Variants in SPATA17 observed in about 807,000 individuals in gnomAD.
The protein encoded by SPATA17 is spermatogenesis-associated protein 17.
In SPATA17, 53 loss-of-function variants were observed where a neutral mutation model predicts 62.2. The ratio of observed to expected loss-of-function variants is 0.85; its 90% confidence interval spans 0.68 to 1.07. SPATA17 has a LOEUF of 1.07. SPATA17 is among the 50% of genes least tolerant of loss of function. The probability of loss-of-function intolerance (pLI) is 0.00; values close to 1 mark genes in which losing one functional copy is unlikely to be tolerated. For missense variants in SPATA17, 466 were observed against 425.5 expected (o/e 1.10, Z -0.84); for synonymous variants, 146 against 146.8 (o/e 0.99, Z 0.04).
At chr1:217,824,516 G>A (rs1674940395) in intron 9 of SPATA17, among the ~76,000 whole-genome samples, 1 of 151,180 alleles carries the variant, frequency 6.6e-6, no homozygotes, top group Admixed American at 6.6e-5. Context: ...TTCTTAATTA[G>A]AGATAGCCAC....
At chr1:217,763,297 T>A (rs1414733338) in intron 6 of SPATA17, among the ~76,000 whole-genome samples, 1 of 152,190 alleles carries the variant, frequency 6.6e-6, no homozygotes, top group Non-Finnish European at 1.5e-5. Context: ...GACAGTCTAA[T>A]TTAGAATGTG....
At chr1:217,734,329 A>G (rs1180932045) in intron 5 of SPATA17, among the ~76,000 whole-genome samples, 1 of 152,220 alleles carries the variant, frequency 6.6e-6, no homozygotes, top group Non-Finnish European at 1.5e-5. Context: ...CTTTTATGCC[A>G]AATACACCAC....
At chr1:217,722,407 C>T (rs1395936670) in intron 5 of SPATA17, among the ~76,000 whole-genome samples, 1 of 151,866 alleles carries the variant, frequency 6.6e-6, no homozygotes, top group African/African-American at 2.4e-5. Context: ...ACATTATTTT[C>T]TGTAACTTTT....
intron 1 of SPATA17, among the ~76,000 whole-genome samples, chr1:217,634,440 G>T (rs987003439): frequency 2.0e-5 from 3 of 151,996 alleles, no homozygotes; most frequent in Non-Finnish European, 4.4e-5. Flanking sequence ...TCAATTCTGG[G>T]GTGGGGGCCA....
chr1:217,798,422 T>G (rs1199358890), intron 8 of SPATA17, among the ~76,000 whole-genome samples: 2 of 152,236 alleles, frequency 1.3e-5, no homozygotes, highest in African/African-American at 4.8e-5. Flanking sequence ...TGTGTTTCTC[T>G]TTTCCCACCT....
At chr1:217,778,185 T>C (rs1266199292) in intron 7 of SPATA17, among the ~76,000 whole-genome samples, 1 of 152,162 alleles carries the variant, frequency 6.6e-6, no homozygotes, top group Non-Finnish European at 1.5e-5. Context: ...GCAGTTAAGG[T>C]AGATGTAACA....
chr1:217,759,981 CA>C (rs1673133017), intron 6 of SPATA17, among the ~76,000 whole-genome samples: 1 of 151,852 alleles, frequency 6.6e-6, no homozygotes, highest in South Asian at 2.1e-4. Context: ...TTCGAAAGTA[CA>C]AAGGAAGAAC....
intron 9 of SPATA17, among the ~76,000 whole-genome samples, chr1:217,851,839 C>T (rs776218559): frequency 1.3e-5 from 2 of 152,132 alleles, no homozygotes; most frequent in African/African-American, 4.8e-5. Flanking sequence ...CTAGTTGATT[C>T]GAAGGCTATC....
chr1:217,643,757 C>T (rs1670123320), intron 1 of SPATA17, among the ~76,000 whole-genome samples: 1 of 150,448 alleles, frequency 6.6e-6, no homozygotes, highest in Admixed American at 6.6e-5. Flanking sequence ...TAGATGGAGT[C>T]TCACTCTGTT....
chr1:217,801,825 A>C lies in SPATA17; in HGVS notation c.980A>C (p.Asn327Thr). 6.2e-7 allele frequency: 1 copy of C among 1,609,256 alleles called. No homozygotes were observed. Among genetic ancestry groups the C allele is most frequent in the Non-Finnish European group, 8.5e-7 (1 of 1,178,654 alleles). ...ISYKEQFRSE[N>T]PKKWICDKDF... ...TACAAAGAACAATTCCGAAGTGAAA[A>C]TCCTAAGAAATGGATCTGTGACAAG... The change falls in exon 9 of 11, where the codon AAT (asparagine) becomes ACT (threonine). Residue 327 changes from asparagine (N) to threonine (T), a missense_variant. Transcript: ENST00000366933.
intron 3 of SPATA17, among the ~76,000 whole-genome samples, chr1:217,660,093 G>T (rs560270931): frequency 6.6e-6 from 1 of 152,198 alleles, no homozygotes; most frequent in African/African-American, 2.4e-5. Flanking sequence ...AAGATTTTTG[G>T]CAAATGCTGT....
chr1:217,691,226 T>G (rs1671346911), intron 5 of SPATA17, among the ~76,000 whole-genome samples: 1 of 145,686 alleles, frequency 6.9e-6, no homozygotes, highest in Non-Finnish European at 1.5e-5. Context: ...TGATTTGCAT[T>G]TCTCTGATGG....
At chr1:217,838,861 A>G (rs1430868906) in intron 9 of SPATA17, among the ~76,000 whole-genome samples, 1 of 152,126 alleles carries the variant, frequency 6.6e-6, no homozygotes, top group Non-Finnish European at 1.5e-5. Flanking sequence ...TTATAAACAT[A>G]GTTGAGAGAA....
At chr1:217,819,266 A>G (rs1410858566) in intron 9 of SPATA17, among the ~76,000 whole-genome samples, 2 of 151,846 alleles carry the variant, frequency 1.3e-5, no homozygotes. Flanking sequence ...GGTCAAGTAC[A>G]TACTTTTCTG....
At chr1:217,776,130 T>C (rs1362271220) in intron 7 of SPATA17, among the ~76,000 whole-genome samples, 1 of 152,146 alleles carries the variant, frequency 6.6e-6, no homozygotes, top group Non-Finnish European at 1.5e-5. Flanking sequence ...GCAATACTCA[T>C]AGTAGAGATG....
At chr1:217,715,368 GAGA>G (rs1228010137) in intron 5 of SPATA17, among the ~76,000 whole-genome samples, 2 of 152,096 alleles carry the variant, frequency 1.3e-5, no homozygotes, top group African/African-American at 2.4e-5. Flanking sequence ...CAGAATTTTG[GAGA>G]AGAATGACTA....
intron 5 of SPATA17, among the ~76,000 whole-genome samples, chr1:217,722,562 A>C (rs1395454396): frequency 1.3e-5 from 2 of 152,176 alleles, no homozygotes; most frequent in Non-Finnish European, 2.9e-5. Flanking sequence ...AATAACCTTT[A>C]ATATGTGTTT....
chr1:217,815,213 T>C (rs958622395), intron 9 of SPATA17, among the ~76,000 whole-genome samples: 1 of 152,092 alleles, frequency 6.6e-6, no homozygotes, highest in East Asian at 1.9e-4. Flanking sequence ...GGACCCCAAA[T>C]GACTGGAAAT....
At chr1:217,687,655 T>A (rs1285144131) in intron 5 of SPATA17, among the ~76,000 whole-genome samples, 1 of 152,204 alleles carries the variant, frequency 6.6e-6, no homozygotes, top group Non-Finnish European at 1.5e-5. Context: ...CCTAGGTGTG[T>A]AGTAGGCTAT....
Sources: gnomAD v4.1 joint callset for allele counts (sites outside exome capture counted in the v4.1 genomes callset) on GRCh38, gnomAD v4.1.1 for gene constraint, MANE v1.5 for transcripts, NCBI Gene and HGNC (gene_info 2026-07-23, HGNC 2026-07-21) for gene names.